AGBL4: variants seen among roughly 807,000 people sequenced by gnomAD.
AGBL4 encodes the protein cytosolic carboxypeptidase 6.
AGBL4 carries 58 observed loss-of-function variants against 66.4 expected under a neutral mutation model. That is an observed-to-expected ratio of 0.87 (90% CI 0.71 to 1.09). AGBL4 has a LOEUF of 1.09. AGBL4 is among the 50% of genes least tolerant of loss of function. AGBL4 has a pLI of 0.00. For synonymous variants in AGBL4, 234 were observed against 222.9 expected, an observed-to-expected ratio of 1.05 and a Z score of -0.44; for missense variants, 579 against 631.0, an observed-to-expected ratio of 0.92 and a Z score of 0.88.
At chr1:49,708,323 C>T (rs533948530) in intron 2 of AGBL4, among the ~76,000 whole-genome samples, 5 of 151,968 alleles carry the variant, frequency 3.3e-5, no homozygotes, top group Admixed American at 6.6e-5. Context: ...ATCTGATATA[C>T]TTTCTTCTGC....
chr1:49,821,828 T>C (rs1298673124), intron 2 of AGBL4, among the ~76,000 whole-genome samples: 1 of 152,216 alleles, frequency 6.6e-6, no homozygotes, highest in Non-Finnish European at 1.5e-5. Context: ...AATTCAGCTG[T>C]AGATTAATTT....
At chr1:49,845,191 A>G (rs746456578) in intron 2 of AGBL4, 13 of 1,443,114 alleles carry the variant, frequency 9.0e-6, no homozygotes, top group Non-Finnish European at 6.8e-6. Flanking sequence ...AGTCTTCCGA[A>G]ACAGCTCGGC....
intron 3 of AGBL4, among the ~76,000 whole-genome samples, chr1:49,380,558 C>G: frequency 1.3e-5 from 2 of 152,158 alleles, no homozygotes; most frequent in East Asian, 3.9e-4. Context: ...GCCAAAAGAA[C>G]AAAGCTGGAG....
chr1:49,599,510 T>A (rs1042469688), intron 3 of AGBL4, among the ~76,000 whole-genome samples: 2 of 151,876 alleles, frequency 1.3e-5, no homozygotes, highest in Non-Finnish European at 2.9e-5. Context: ...TCTCTTTTCT[T>A]CTTTATTAGT....
chr1:48,755,239 A>C (rs1652366145), intron 6 of AGBL4, among the ~76,000 whole-genome samples: 1 of 152,128 alleles, frequency 6.6e-6, no homozygotes, highest in Admixed American at 6.5e-5. Context: ...CTGAGTCCCC[A>C]TCAGTCTGAA....
intron 2 of AGBL4, among the ~76,000 whole-genome samples, chr1:49,835,209 T>C (rs1370847499): frequency 2.6e-5 from 4 of 152,142 alleles, no homozygotes; most frequent in Non-Finnish European, 5.9e-5. Flanking sequence ...GGAGGCTACA[T>C]CTCTTTGTAG....
chr1:48,530,260 T>C (rs1427453044), downstream of AGBL4, among the ~76,000 whole-genome samples: 1 of 152,192 alleles, frequency 6.6e-6, no homozygotes, highest in Admixed American at 6.5e-5. Context: ...AAAATGATAC[T>C]TACCTGATAG....
chr1:49,115,411 A>G (rs1645498065), intron 4 of AGBL4, among the ~76,000 whole-genome samples: 1 of 152,344 alleles, frequency 6.6e-6, no homozygotes, highest in East Asian at 1.9e-4. Flanking sequence ...CACAGTGGAC[A>G]TGCTCAGAAA....
intron 4 of AGBL4, among the ~76,000 whole-genome samples, chr1:49,084,324 C>T (rs1385184307): frequency 6.6e-6 from 1 of 152,174 alleles, no homozygotes; most frequent in Non-Finnish European, 1.5e-5. Flanking sequence ...TTATTTCACT[C>T]TCATGGTGCT....
intron 4 of AGBL4, among the ~76,000 whole-genome samples, chr1:49,068,630 T>C (rs928749964): frequency 2.0e-5 from 3 of 152,222 alleles, no homozygotes; most frequent in East Asian, 1.9e-4. Context: ...CAGTCTATCA[T>C]TGATAGGCAC....
chr1:49,984,913 T>G (rs1659370910), intron 1 of AGBL4, among the ~76,000 whole-genome samples: 1 of 151,912 alleles, frequency 6.6e-6, no homozygotes, highest in Non-Finnish European at 1.5e-5. Flanking sequence ...GCACATAGAT[T>G]GAGAGAAAAG....
intron 6 of AGBL4, among the ~76,000 whole-genome samples, chr1:48,844,770 C>T (rs930154650): frequency 6.6e-6 from 1 of 152,180 alleles, no homozygotes; most frequent in Non-Finnish European, 1.5e-5. Flanking sequence ...TCAACAGTGA[C>T]CCTTATCACA....
At chr1:48,573,168 C>T (rs1476531930) in intron 11 of AGBL4, among the ~76,000 whole-genome samples, 1 of 152,206 alleles carries the variant, frequency 6.6e-6, no homozygotes, top group African/African-American at 2.4e-5. Flanking sequence ...CCCCCTCCTG[C>T]TCTTCCCCTT....
intron 7 of AGBL4, among the ~76,000 whole-genome samples, chr1:48,660,561 A>G (rs1420573166): frequency 6.6e-6 from 1 of 152,230 alleles, no homozygotes; most frequent in Non-Finnish European, 1.5e-5. Flanking sequence ...CGGGCTGTCT[A>G]CATGTAGCTG....
At chr1:49,035,095 A>G (rs1177266030) in intron 5 of AGBL4, among the ~76,000 whole-genome samples, 1 of 152,144 alleles carries the variant, frequency 6.6e-6, no homozygotes, top group Non-Finnish European at 1.5e-5. Context: ...ATAGAAAAAT[A>G]TTAGTGGAAA....
chr1:48,523,302 T>G, the AGBL4 span, among the ~76,000 whole-genome samples: 1 of 152,186 alleles, frequency 6.6e-6, no homozygotes, highest in East Asian at 1.9e-4. Flanking sequence ...CCCTTCCTAT[T>G]GTATGGCTAC....
intron 1 of AGBL4, among the ~76,000 whole-genome samples, chr1:49,971,014 G>A (rs149712358): frequency 6.6e-6 from 1 of 152,286 alleles, no homozygotes; most frequent in African/African-American, 2.4e-5. Context: ...GAATGAGTGT[G>A]AGGATGCTAT....
At chr1:49,198,115 C>G (rs1400786734) in intron 4 of AGBL4, among the ~76,000 whole-genome samples, 1 of 151,962 alleles carries the variant, frequency 6.6e-6, no homozygotes, top group Non-Finnish European at 1.5e-5. Flanking sequence ...TCTCCTGTGG[C>G]CTGGATTGCT....
Position 48,534,389 on chromosome 1 carries a change from T to C in AGBL4, c.1392-96A>G, listed in dbSNP as rs545766108. 4 of 1,436,338 alleles carry C rather than the reference T, an allele frequency of 2.8e-6. No individual in the cohort carries two copies. The East Asian group carries it at 7.5e-5, about 27-fold the overall frequency. 89.0% of individuals were successfully genotyped at this position (1,436,338 alleles called of 1,614,324 possible). A position where few individuals can be genotyped will look rare whatever the true frequency, so the allele number is the denominator to read the frequency against. On this transcript the variant is annotated intron_variant, in intron 13 of 13. Coordinates refer to ENST00000371839, the MANE Select transcript of AGBL4 (RefSeq NM_032785.4). ...CATGTCTATCTTCCCCACTGGACTG[T>C]AGCCTCCCAGGAACAGTAACCTAGT... is the stretch of plus-strand genomic sequence containing the variant.
Sources: allele counts gnomAD v4.1 joint callset (sites outside exome capture counted in the v4.1 genomes callset), GRCh38; gene constraint gnomAD v4.1.1; transcripts MANE v1.5; gene names NCBI Gene and HGNC (gene_info 2026-07-23, HGNC 2026-07-21).